PRKG1: variants seen among roughly 807,000 people sequenced by gnomAD.
PRKG1 encodes protein kinase cGMP-dependent 1, also known as cGMP-dependent protein kinase 1.
A neutral mutation model predicts 88.1 loss-of-function variants in PRKG1; 35 were observed. The ratio of observed to expected loss-of-function variants is 0.40; its 90% confidence interval spans 0.30 to 0.53. The LOEUF (loss-of-function observed/expected upper bound fraction) is 0.53, where lower values mean the gene tolerates loss of function less well. PRKG1 is among the 20% of genes least tolerant of loss of function. PRKG1 has a pLI of 0.59. For missense variants in PRKG1, 540 were observed against 839.8 expected (o/e 0.64, Z 4.41); for synonymous variants, 303 against 292.5 (o/e 1.04, Z -0.37).
intron 2 of PRKG1, among the ~76,000 whole-genome samples, chr10:51,279,078 T>G (rs1029282481): frequency 6.6e-6 from 1 of 152,232 alleles, no homozygotes; most frequent in Non-Finnish European, 1.5e-5. Context: ...TCCTGCTTTC[T>G]TTTATGGACA....
At chr10:51,162,587 A>G (rs1846392066) in intron 2 of PRKG1, among the ~76,000 whole-genome samples, 1 of 152,216 alleles carries the variant, frequency 6.6e-6, no homozygotes, top group Non-Finnish European at 1.5e-5. Context: ...AGTTACATTA[A>G]TGATTTGTGT....
At chr10:51,915,467 C>T (rs1330765771) in intron 5 of PRKG1, among the ~76,000 whole-genome samples, 1 of 152,072 alleles carries the variant, frequency 6.6e-6, no homozygotes, top group Non-Finnish European at 1.5e-5. Context: ...TTTTGTTCTC[C>T]CTCATTTCAC....
intron 3 of PRKG1, among the ~76,000 whole-genome samples, chr10:51,558,484 A>G (rs142615535): frequency 6.4e-4 from 98 of 152,200 alleles, no homozygotes; most frequent in African/African-American, 1.9e-3. Context: ...GATGGCCCCA[A>G]TAGAAGTGTT....
chr10:51,232,146 T>C (rs1202548814), intron 2 of PRKG1, among the ~76,000 whole-genome samples: 2 of 152,190 alleles, frequency 1.3e-5, no homozygotes, highest in East Asian at 3.8e-4. Context: ...TGGGCATGTG[T>C]ATGTACAAAA....
At chr10:51,337,932 A>G (rs769501933) in intron 2 of PRKG1, among the ~76,000 whole-genome samples, 2 of 152,256 alleles carry the variant, frequency 1.3e-5, no homozygotes, top group Non-Finnish European at 2.9e-5. Flanking sequence ...TCATTCTATT[A>G]CAAAGCTACA....
At chr10:51,233,478 A>G (rs1838900495) in intron 2 of PRKG1, among the ~76,000 whole-genome samples, 1 of 152,204 alleles carries the variant, frequency 6.6e-6, no homozygotes, top group African/African-American at 2.4e-5. Context: ...TAGCATTCTG[A>G]TATGGGAAAT....
chr10:51,672,250 C>T (rs1426082088), intron 3 of PRKG1, among the ~76,000 whole-genome samples: 1 of 151,998 alleles, frequency 6.6e-6, no homozygotes, highest in Non-Finnish European at 1.5e-5. Flanking sequence ...GACCTTCTTA[C>T]CCTTAATCTT....
chr10:51,846,414 G>A (rs527491035), intron 4 of PRKG1, among the ~76,000 whole-genome samples: 2 of 152,108 alleles, frequency 1.3e-5, no homozygotes, highest in Non-Finnish European at 2.9e-5. Context: ...TAACTCAACT[G>A]CTATATTGAT....
intron 3 of PRKG1, among the ~76,000 whole-genome samples, chr10:51,542,192 C>A (rs1355590712): frequency 6.6e-6 from 1 of 151,936 alleles, no homozygotes; most frequent in Admixed American, 6.6e-5. Flanking sequence ...ACCCCAAACT[C>A]TTTCCAGAAA....
intron 3 of PRKG1, among the ~76,000 whole-genome samples, chr10:51,735,091 T>C (rs887051401): frequency 8.5e-5 from 13 of 152,178 alleles, no homozygotes; most frequent in Non-Finnish European, 1.5e-4. Context: ...ACACCTACCA[T>C]CCCATCCTTG....
intron 4 of PRKG1, among the ~76,000 whole-genome samples, chr10:51,903,370 A>G (rs117371355): frequency 0.019 from 2,934 of 151,762 alleles, 51 homozygotes; most frequent in Non-Finnish European, 0.029. Flanking sequence ...TAATTTTGTT[A>G]GGTATGATCA....
intron 4 of PRKG1, 93 bp from the exon 5 acceptor site, chr10:51,907,414 T>G: frequency 2.0e-6 from 2 of 1,003,804 alleles, no homozygotes; most frequent in Non-Finnish European, 1.4e-6. Flanking sequence ...CATGAAATAG[T>G]TTTGTATTTT....
At chr10:51,398,139 CA>C (rs1465742755) in intron 2 of PRKG1, among the ~76,000 whole-genome samples, 2 of 152,126 alleles carry the variant, frequency 1.3e-5, no homozygotes, top group Non-Finnish European at 2.9e-5. Flanking sequence ...CCCCTTAAGG[CA>C]ATGGTCCCCA....
chr10:51,046,481 A>G (rs1201680606), intron 1 of PRKG1, among the ~76,000 whole-genome samples: 1 of 152,252 alleles, frequency 6.6e-6, no homozygotes, highest in East Asian at 1.9e-4. Flanking sequence ...TAGTATCAAT[A>G]TGAAAATCAG....
intron 2 of PRKG1, among the ~76,000 whole-genome samples, chr10:51,213,630 ATTG>A (rs1647420855): frequency 6.6e-6 from 1 of 152,220 alleles, no homozygotes. Context: ...TGGTGAAGTC[ATTG>A]TTGTAATTTG....
Position 52,296,179 on chromosome 10 carries a change from C to T in PRKG1, c.*2279C>T, listed in dbSNP as rs1053574603. On this transcript the variant is annotated 3_prime_UTR_variant, in exon 18 of 18. Transcript: ENST00000373980. ...CCTTGTTATTTGGAAAGAGAATCTGCTCCTATAACGTTTTAAAAATCCCCA... is the reference window on the plus strand; with the variant it reads ...CCTTGTTATTTGGAAAGAGAATCTGTTCCTATAACGTTTTAAAAATCCCCA... The T allele has an allele frequency of 6.6e-6, 1 of 152,052 alleles. No individual in the cohort carries two copies. 9.4% of individuals were successfully genotyped at this position (152,052 alleles called of 1,614,324 possible).
chr10:51,022,719 A>G (rs941399628), intron 1 of PRKG1, among the ~76,000 whole-genome samples: 1 of 152,238 alleles, frequency 6.6e-6, no homozygotes, highest in African/African-American at 2.4e-5. Flanking sequence ...GAAAAAAAAG[A>G]TCCTTGTCCA....
chr10:51,994,207 T>TC (rs1844379986), intron 5 of PRKG1, among the ~76,000 whole-genome samples: 1 of 152,148 alleles, frequency 6.6e-6, no homozygotes, highest in Admixed American at 6.6e-5. Context: ...GGGTATATAT[T>TC]TGTAAGGCTT....
At chr10:51,507,283 C>T (rs921533574) in intron 3 of PRKG1, among the ~76,000 whole-genome samples, 1 of 149,810 alleles carries the variant, frequency 6.7e-6, no homozygotes, top group African/African-American at 2.5e-5. Flanking sequence ...CACATGTACC[C>T]TAAAACTTAA....
Sources: allele counts gnomAD v4.1 joint callset (sites outside exome capture counted in the v4.1 genomes callset), GRCh38; gene constraint gnomAD v4.1.1; transcripts MANE v1.5; gene names NCBI Gene and HGNC (gene_info 2026-07-23, HGNC 2026-07-21).